PRRC2B: variants seen among roughly 807,000 people sequenced by gnomAD.
The protein encoded by PRRC2B is proline rich coiled-coil 2B.
PRRC2B carries 68 observed loss-of-function variants against 242.3 expected under a neutral mutation model. The observed-to-expected ratio is 0.28, with a 90% CI of 0.23 to 0.34. The LOEUF (loss-of-function observed/expected upper bound fraction) is 0.34, where lower values mean the gene tolerates loss of function less well. Ranked by LOEUF, PRRC2B falls within the 10% of genes least tolerant of loss-of-function variation. The probability of loss-of-function intolerance (pLI) is 1.00; values close to 1 mark genes in which losing one functional copy is unlikely to be tolerated. For synonymous variants in PRRC2B, 1,228 were observed against 1,173.6 expected, an observed-to-expected ratio of 1.05 and a Z score of -0.95; for missense variants, 2,835 against 2,954.8, an observed-to-expected ratio of 0.96 and a Z score of 0.94.
chr9:131,444,638 C>G (rs1226960405), intron 6 of PRRC2B, among the ~76,000 whole-genome samples: 1 of 152,144 alleles, frequency 6.6e-6, no homozygotes, highest in Non-Finnish European at 1.5e-5. Flanking sequence ...ACTTAGGTCC[C>G]CGGTTCAAGA....
At chr9:131,488,376 G>C (rs556842739) in intron 28 of PRRC2B, among the ~76,000 whole-genome samples, 1 of 151,754 alleles carries the variant, frequency 6.6e-6, no homozygotes, top group South Asian at 2.1e-4. Context: ...CGATGCTCCT[G>C]CCTCAGCCTC....
chr9:131,408,907 CG>C (rs1837435716), intron 1 of PRRC2B, among the ~76,000 whole-genome samples: 1 of 151,578 alleles, frequency 6.6e-6, no homozygotes, highest in Non-Finnish European at 1.5e-5. Flanking sequence ...TCAGTAGAGA[CG>C]AGGTTTCTCC....
chr9:131,437,333 A>G (rs1412227898), intron 4 of PRRC2B, among the ~76,000 whole-genome samples: 1 of 152,196 alleles, frequency 6.6e-6, no homozygotes, highest in African/African-American at 2.4e-5. Context: ...CGAAGCTACA[A>G]TCCTTCATTT....
Position 131,488,129 on chromosome 9 carries a change from A to G in PRRC2B, c.6225+33A>G, listed in dbSNP as rs746456353. ...ATTCAGTCACTCTACCCAAAGCCCT[A>G]GGCTTCTTTCCTTCACGACCTTGCC... On this transcript the variant is annotated intron_variant, in intron 28 of 31. Transcript: ENST00000683519. 25 of 1,594,708 alleles carry G rather than the reference A, an allele frequency of 1.6e-5. No homozygotes were observed. The East Asian group carries it at 2.0e-4, about 13-fold the overall frequency.
intron 1 of PRRC2B, among the ~76,000 whole-genome samples, chr9:131,421,575 A>G (rs1198734738): frequency 6.6e-6 from 1 of 152,212 alleles, no homozygotes; most frequent in Non-Finnish European, 1.5e-5. Context: ...ATAAAGAGAC[A>G]TTCCACCTTT....
chr9:131,382,996 C>G (rs1836780520), intron 1 of PRRC2B, among the ~76,000 whole-genome samples: 1 of 152,166 alleles, frequency 6.6e-6, no homozygotes, highest in African/African-American at 2.4e-5. Flanking sequence ...GGCCACATCT[C>G]TAGTGGCTAC....
upstream of PRRC2B, among the ~76,000 whole-genome samples, chr9:131,391,115 T>C (rs1836895909): frequency 6.6e-6 from 1 of 152,154 alleles, no homozygotes; most frequent in South Asian, 2.1e-4. Context: ...TCCCTCGCTG[T>C]GTTGCCTTCA....
intron 1 of PRRC2B, among the ~76,000 whole-genome samples, chr9:131,387,686 G>A (rs1836843183): frequency 6.7e-6 from 1 of 149,890 alleles, no homozygotes; most frequent in Non-Finnish European, 1.5e-5. Context: ...GTGAGGAACA[G>A]TGGAGAAGGT....
At chr9:131,452,345 C>A (rs1259418246) in intron 9 of PRRC2B, among the ~76,000 whole-genome samples, 1 of 151,986 alleles carries the variant, frequency 6.6e-6, no homozygotes. Flanking sequence ...ACAATTTTGC[C>A]CCTTCAGTTT....
rs1943682631 is a variant in PRRC2B, at chr9:131,475,956, CGGA to C, written c.3831_3833del (p.Glu1277del). 1 of 1,613,170 alleles carries C rather than the reference CGGA, an allele frequency of 6.2e-7. No homozygotes were observed. The highest frequency in any genetic ancestry group is 8.5e-7 in the Non-Finnish European group (1 of 1,179,406). On this transcript the variant is annotated inframe_deletion, in exon 16 of 32. Coordinates refer to ENST00000683519, the MANE Select transcript of PRRC2B (RefSeq NM_013318.4). ...GGCCGGGGCTTTGAGGACAGCCGCG[CGGA>C]GGACAAGAGATCCTTCTTCCAAGAT...
At chr9:131,406,099 C>T (rs1333936264) in intron 1 of PRRC2B, among the ~76,000 whole-genome samples, 2 of 151,914 alleles carry the variant, frequency 1.3e-5, no homozygotes, top group Non-Finnish European at 2.9e-5. Flanking sequence ...TCCCCGGGGG[C>T]CCGGGGGTTT....
Position 131,496,380 on chromosome 9 carries a change from T to C in PRRC2B, c.*506T>C, listed in dbSNP as rs1944335536. The C allele has an allele frequency of 6.4e-6, 1 of 155,272 alleles. No homozygotes were observed. The highest frequency in any genetic ancestry group is 1.4e-5 in the Non-Finnish European group (1 of 69,944). The allele number at this position is 155,272 out of a possible 1,614,324, so 9.6% of individuals were successfully genotyped here. A position where few individuals can be genotyped will look rare whatever the true frequency, so the allele number is the denominator to read the frequency against. ...ATGTGTATAGCTGAACTTTTATATG[T>C]TTCTTGCCAGCCCCTCCGCTCCCTT... On this transcript the variant is annotated 3_prime_UTR_variant, in exon 32 of 32. Transcript: ENST00000683519.
chr9:131,444,153 C>G, intron 5 of PRRC2B, 32 bp from the exon 6 acceptor site: 1 of 1,612,756 alleles, frequency 6.2e-7, no homozygotes, highest in South Asian at 1.1e-5. Flanking sequence ...CTCCATCTCA[C>G]TTCCTCCATG....
Position 131,408,830 on chromosome 9 carries a change from C to T in PRRC2B, c.-52+14567C>T, listed in dbSNP as rs1202063599. Among the ~76,000 whole-genome samples the T allele has an allele frequency of 2.0e-5, 3 of 150,906 alleles. No homozygotes were observed. The East Asian group carries it at 5.9e-4, about 30-fold the overall frequency. ...CGCCTCCTGGGTTGAAGTGATTCTCCTGCCTCAGCCTTCCGAGTAGCTGGG... is the reference window on the plus strand; with the variant it reads ...CGCCTCCTGGGTTGAAGTGATTCTCTTGCCTCAGCCTTCCGAGTAGCTGGG... On this transcript the variant is annotated intron_variant, in intron 1 of 31. Coordinates refer to ENST00000683519, the MANE Select transcript of PRRC2B (RefSeq NM_013318.4).
At chr9:131,449,363 C>CT (rs149956804) in intron 9 of PRRC2B, among the ~76,000 whole-genome samples, 12,029 of 146,928 alleles carry the variant, frequency 0.082, 622 homozygotes, top group Middle Eastern at 0.14. Context: ...TGGTGTTCAT[C>CT]TTTTTTTTTT....
Position 131,452,025 on chromosome 9 carries a change from T to C in PRRC2B, c.1121-3051T>C, listed in dbSNP as rs142127327. Reference sequence around the variant, plus strand: ...GTCTTTGTCAGGTTTTGGTATCAAGTTATGCTGGGCTTATAAAATGAGTTG... The same window carrying C: ...GTCTTTGTCAGGTTTTGGTATCAAGCTATGCTGGGCTTATAAAATGAGTTG... On this transcript the variant is annotated intron_variant, in intron 9 of 31. Coordinates refer to ENST00000683519, the MANE Select transcript of PRRC2B (RefSeq NM_013318.4). Among the ~76,000 whole-genome samples the C allele has an allele frequency of 2.3e-3, 353 of 152,086 alleles. 1 individual carries two copies. Among genetic ancestry groups the C allele is most frequent in the Non-Finnish European group, 3.7e-3 (249 of 67,984 alleles).
intron 28 of PRRC2B, among the ~76,000 whole-genome samples, chr9:131,489,472 C>T (rs1172988367): frequency 3.9e-5 from 6 of 152,138 alleles, no homozygotes; most frequent in Admixed American, 1.3e-4. Flanking sequence ...TTAGCCACCA[C>T]ACCCAGTCTC....
At chr9:131,485,434 G>A (rs1044973497) in intron 25 of PRRC2B, among the ~76,000 whole-genome samples, 1 of 152,168 alleles carries the variant, frequency 6.6e-6, no homozygotes, top group African/African-American at 2.4e-5. Context: ...TGCTGGAGCC[G>A]TGTCGCCTCG....
intron 3 of PRRC2B, among the ~76,000 whole-genome samples, chr9:131,434,362 C>T (rs983609100): frequency 4.6e-5 from 7 of 152,374 alleles, no homozygotes; most frequent in South Asian, 2.1e-4. Context: ...TCTGCCTTTG[C>T]GGCTCCAGTG....
Sources: allele counts gnomAD v4.1 joint callset (sites outside exome capture counted in the v4.1 genomes callset), GRCh38; gene constraint gnomAD v4.1.1; transcripts MANE v1.5; gene names NCBI Gene and HGNC (gene_info 2026-07-23, HGNC 2026-07-21).